The following CNTN4 variants were observed in gnomAD, a reference collection of about 807,000 sequenced individuals.
CNTN4 encodes contactin 4.
In CNTN4, 77 loss-of-function variants were observed where a neutral mutation model predicts 122.5. The ratio of observed to expected loss-of-function variants is 0.63; its 90% CI spans 0.52 to 0.76. The LOEUF (loss-of-function observed/expected upper bound fraction) is 0.76. Among genes scored for constraint, CNTN4 ranks in the 30% least tolerant of loss-of-function variants. CNTN4 has a pLI of 0.00. For synonymous variants in CNTN4, 512 were observed against 447.0 expected (o/e 1.15, Z -1.83); for missense variants, 1,256 against 1,259.1 (o/e 1.00, Z 0.04).
At chr3:2,290,834 T>A (rs9863793) in intron 2 of CNTN4, among the ~76,000 whole-genome samples, 1 of 152,036 alleles carries the variant, frequency 6.6e-6, no homozygotes, top group Non-Finnish European at 1.5e-5. Context: ...AAAAAACTTA[T>A]TTCCCTTTCA....
At chr3:2,120,405 A>ATATATATATATATATATATATTT (rs1428527983) in intron 2 of CNTN4, among the ~76,000 whole-genome samples, 1 of 40,866 alleles carries the variant, frequency 2.4e-5, no homozygotes, top group Admixed American at 3.2e-4. Flanking sequence ...ATATATATAT[A>ATATATATATATATATATATATTT]TTTTTTTTTT....
In CNTN4 at chr3:3,030,852, C is replaced by T. The variant is rs760484301; in HGVS notation, c.1663-3C>T. On this transcript the variant is annotated splice_polypyrimidine_tract_variant and splice_region_variant and intron_variant, in intron 15 of 24. Coordinates refer to ENST00000418658, the MANE Select transcript of CNTN4 (RefSeq NM_175607.3). The stretch of plus-strand genomic sequence containing the variant: ...TTGCAGCCACTTTCCCCTACTTTAT[C>T]AGCAGGATTCAGCTGGTGATTTGAT... 1.9e-6 allele frequency: 3 copies of T among 1,613,882 alleles called. No individual in the cohort carries two copies. Among genetic ancestry groups the T allele is most frequent in the South Asian group, 2.2e-5 (2 of 91,082 alleles).
In CNTN4 at chr3:2,125,894, G is replaced by GGTGTGTGTGTGT. The variant is rs61706367; in HGVS notation, c.-145+25278_-145+25289dup. Among the ~76,000 whole-genome samples the GGTGTGTGTGTGT allele has an allele frequency of 8.5e-3, 1,223 of 143,426 alleles. 16 individuals carry two copies. The highest frequency in any genetic ancestry group is 0.023 in the African/African-American group (889 of 38,502). The allele number at this position is 143,426 out of a possible 152,430, so 94.1% of individuals were successfully genotyped here. ...TATAAGTTGCTCAGTTTTTATTTCTGGTGTGTGTGTGTGTGTGTGTGTGTG... is the reference window on the plus strand; with the variant it reads ...TATAAGTTGCTCAGTTTTTATTTCTGGTGTGTGTGTGTGTGTGTGTGTGTGTGTGTGTGTGTG... On this transcript the variant is annotated intron_variant, in intron 2 of 24. Coordinates refer to ENST00000418658, the MANE Select transcript of CNTN4 (RefSeq NM_175607.3).
chr3:2,820,306 A>G (rs2092833619), intron 7 of CNTN4, among the ~76,000 whole-genome samples: 1 of 152,200 alleles, frequency 6.6e-6, no homozygotes, highest in African/African-American at 2.4e-5. Context: ...CCAGTTTATT[A>G]TAAAAGATAT....
In CNTN4 at chr3:2,781,890, A is replaced by AT. The variant is rs373125249; in HGVS notation, c.358+36199dup. Among the ~76,000 whole-genome samples, 9 of 114,720 alleles carry AT rather than the reference A, an allele frequency of 7.8e-5. 1 individual carries two copies. The East Asian group carries it at 1.7e-3, about 21-fold the overall frequency. The allele number at this position is 114,720 out of a possible 152,430, so 75.3% of individuals were successfully genotyped here. ...CAGGCGCCCGCACCACGCCCGGCTAATTTTTTGTATTTTTAGTAGAGACGG... is the reference window on the plus strand; with the variant it reads ...CAGGCGCCCGCACCACGCCCGGCTAATTTTTTTGTATTTTTAGTAGAGACGG... On this transcript the variant is annotated intron_variant, in intron 6 of 24. Coordinates refer to ENST00000418658, the MANE Select transcript of CNTN4 (RefSeq NM_175607.3).
intron 4 of CNTN4, among the ~76,000 whole-genome samples, chr3:2,731,153 A>C (rs1464563266): frequency 3.3e-5 from 5 of 152,132 alleles, no homozygotes; most frequent in Admixed American, 6.6e-5. Flanking sequence ...TCAGTAATCC[A>C]AAAATTTCAG....
Position 2,667,746 on chromosome 3 carries a change from T to C in CNTN4, c.56-68469T>C, listed in dbSNP as rs1390425512. Among the ~76,000 whole-genome samples, 5 of 138,728 alleles carry C rather than the reference T, an allele frequency of 3.6e-5. 1 individual carries two copies. In the East Asian group the frequency reaches 6.2e-4, roughly 17 times the overall value. The allele number at this position is 138,728 out of a possible 152,430, so 91.0% of individuals were successfully genotyped here. A position where few individuals can be genotyped will look rare whatever the true frequency, so the allele number is the denominator to read the frequency against. ...TTAGGTTTAACGTTTAAATCTTTAA[T>C]CCATCTTGAATTGATTTTTGTATAA... On this transcript the variant is annotated intron_variant, in intron 4 of 24. Transcript: ENST00000418658.
At chr3:2,782,650 G>T (rs1322907149) in intron 6 of CNTN4, among the ~76,000 whole-genome samples, 1 of 152,162 alleles carries the variant, frequency 6.6e-6, no homozygotes, top group Admixed American at 6.5e-5. Context: ...AGGAGACCAG[G>T]TGTCATGATT....
chr3:2,671,402 T>C (rs2084505468), intron 4 of CNTN4, among the ~76,000 whole-genome samples: 1 of 152,244 alleles, frequency 6.6e-6, no homozygotes, highest in Non-Finnish European at 1.5e-5. Flanking sequence ...AGCTTGTGCG[T>C]TCGTCACATA....
intron 6 of CNTN4, among the ~76,000 whole-genome samples, chr3:2,807,240 C>T (rs140972613): frequency 1.2e-3 from 182 of 152,308 alleles, no homozygotes; most frequent in Middle Eastern, 3.4e-3. Context: ...GTTTAACACA[C>T]GGCAGCCTTA....
chr3:2,746,101 A>C (rs4685550), intron 6 of CNTN4, among the ~76,000 whole-genome samples: 1,337 of 8,532 alleles, frequency 0.16, 115 homozygotes, highest in Admixed American at 0.21. Flanking sequence ...ACACACACAC[A>C]CACACACACA....
At chr3:2,975,432 C>A (rs1693330781) in intron 13 of CNTN4, among the ~76,000 whole-genome samples, 1 of 152,234 alleles carries the variant, frequency 6.6e-6, no homozygotes, top group African/African-American at 2.4e-5. Flanking sequence ...CTCTGGATTT[C>A]ATTTTTCTTA....
chr3:2,396,824 A>G (rs920892157), intron 3 of CNTN4, among the ~76,000 whole-genome samples: 1 of 152,130 alleles, frequency 6.6e-6, no homozygotes, highest in Non-Finnish European at 1.5e-5. Context: ...TCAGAACCCA[A>G]TATAAATGCA....
intron 7 of CNTN4, among the ~76,000 whole-genome samples, chr3:2,853,313 C>T (rs1013103593): frequency 1.6e-4 from 24 of 152,074 alleles, no homozygotes; most frequent in Admixed American, 1.5e-3. Context: ...GGTGCGATCT[C>T]GGCTCACTGC....
At chr3:2,124,900 A>G (rs766296232) in intron 2 of CNTN4, among the ~76,000 whole-genome samples, 1 of 152,236 alleles carries the variant, frequency 6.6e-6, no homozygotes, top group Non-Finnish European at 1.5e-5. Context: ...CAATTAAGGT[A>G]ATAAATATAT....
chr3:2,799,675 G>C (rs1462212555), intron 6 of CNTN4, among the ~76,000 whole-genome samples: 2 of 152,098 alleles, frequency 1.3e-5, no homozygotes, highest in African/African-American at 4.8e-5. Flanking sequence ...CGTTTGCCAG[G>C]CTGGCCTCAA....
chr3:2,388,636 G>A (rs906731642), intron 3 of CNTN4, among the ~76,000 whole-genome samples: 1 of 152,136 alleles, frequency 6.6e-6, no homozygotes, highest in African/African-American at 2.4e-5. Context: ...CTGGAGGTCA[G>A]GAGTTTAAGA....
intron 2 of CNTN4, among the ~76,000 whole-genome samples, chr3:2,219,598 C>T (rs762445540): frequency 1.6e-4 from 24 of 152,016 alleles, no homozygotes; most frequent in Non-Finnish European, 3.2e-4. Flanking sequence ...TTTTCAACCA[C>T]GTTCTCTTGA....
chr3:2,802,101 A>G (rs1410526606), intron 6 of CNTN4, among the ~76,000 whole-genome samples: 1 of 152,182 alleles, frequency 6.6e-6, no homozygotes, highest in African/African-American at 2.4e-5. Context: ...TACCATCATT[A>G]TCATCTTTTT....
Sources: allele counts gnomAD v4.1 joint callset (sites outside exome capture counted in the v4.1 genomes callset), GRCh38; gene constraint gnomAD v4.1.1; transcripts MANE v1.5; gene names NCBI Gene and HGNC (gene_info 2026-07-23, HGNC 2026-07-21).